Variants in SHROOM2 observed in about 807,000 individuals in gnomAD.
SHROOM2 encodes protein Shroom2.
A neutral mutation model predicts 75.9 loss-of-function variants in SHROOM2; 33 were observed. The observed-to-expected ratio is 0.43, with a 90% CI of 0.33 to 0.58. SHROOM2 has a LOEUF of 0.58. SHROOM2 is among the 20% of genes least tolerant of loss of function. The probability of loss-of-function intolerance (pLI) is 0.04; values close to 1 mark genes in which losing one functional copy is unlikely to be tolerated. For missense variants in SHROOM2, 1,434 were observed against 1,461.2 expected (o/e 0.98, Z 0.30); for synonymous variants, 655 against 663.6 (o/e 0.99, Z 0.20).
rs1163830296 is a variant in SHROOM2, at chrX:9,850,846, A to AAAAC, written c.166-22805_166-22804insAACA. On this transcript the variant is annotated intron_variant, in intron 1 of 9. Transcript: ENST00000380913. ...GACTCTGTGTCAAAAAAAAAAAAAA[A>AAAAC]AGAGAAAACAAACAGAAAAACTTGT... Among the ~76,000 whole-genome samples the AAAAC allele has an allele frequency of 3.7e-5, 4 of 108,947 alleles. No homozygotes were observed. The Admixed American group carries it at 3.9e-4, about 11-fold the overall frequency. 94.6% of individuals were successfully genotyped at this position (108,947 alleles called of 115,157 possible).
chrX:9,788,594 G>A (rs1184245676), intron 1 of SHROOM2, among the ~76,000 whole-genome samples: 3 of 111,547 alleles, frequency 2.7e-5, no homozygotes, highest in African/African-American at 9.8e-5. Flanking sequence ...AAACTGTTGA[G>A]TCCTGGGAAA....
chrX:9,866,572 C>T (rs1477934691), intron 1 of SHROOM2, among the ~76,000 whole-genome samples: 2 of 111,437 alleles, frequency 1.8e-5, no homozygotes, highest in Non-Finnish European at 1.9e-5. Context: ...CGTGATTTTT[C>T]TCTGCCTCTT....
intron 5 of SHROOM2, among the ~76,000 whole-genome samples, chrX:9,930,726 T>C (rs555202087): frequency 3.6e-5 from 4 of 110,205 alleles, no homozygotes; most frequent in Middle Eastern, 9.2e-3. Context: ...TGCATAGCTG[T>C]GTTCAAGTTT....
intron 1 of SHROOM2, among the ~76,000 whole-genome samples, chrX:9,841,884 T>A (rs1018202807): frequency 9.1e-6 from 1 of 110,040 alleles, no homozygotes; most frequent in Non-Finnish European, 1.9e-5. Flanking sequence ...TCCAGAAAAA[T>A]TTAAAAAGAA....
chrX:9,911,310 G>A (rs2084423729), intron 5 of SHROOM2, among the ~76,000 whole-genome samples: 1 of 111,918 alleles, frequency 8.9e-6, no homozygotes, highest in African/African-American at 3.3e-5. Context: ...ATGCTTAAGG[G>A]ATATAACATT....
chrX:9,917,102 A>G (rs1480464895), intron 5 of SHROOM2, among the ~76,000 whole-genome samples: 1 of 111,553 alleles, frequency 9.0e-6, no homozygotes. Flanking sequence ...GCTGGTAGAA[A>G]AATTGTCTCT....
rs763538484 is a variant in SHROOM2 at position 9,800,464 on chromosome X, C to T, written c.165+13754C>T. On this transcript the variant is annotated intron_variant, in intron 1 of 9. Transcript: ENST00000380913. The stretch of plus-strand genomic sequence containing the variant: ...CAAGTGATTCTCTTGCCTCAGCCTC[C>T]CAAGTAGCTGGGATTACAGGCACCT... 7.2e-5 allele frequency among the ~76,000 whole-genome samples: 8 copies of T among 110,491 alleles called. No individual in the cohort carries two copies. The South Asian group carries it at 3.2e-3, about 44-fold the overall frequency.
chrX:9,843,074 A>G (rs1400620706), intron 1 of SHROOM2, among the ~76,000 whole-genome samples: 2 of 111,925 alleles, frequency 1.8e-5, no homozygotes, highest in African/African-American at 3.2e-5. Flanking sequence ...CATTTGTCCT[A>G]TGCACACAGT....
intron 1 of SHROOM2, among the ~76,000 whole-genome samples, chrX:9,858,837 G>A (rs1000169745): frequency 1.1e-4 from 12 of 111,502 alleles, no homozygotes; most frequent in Non-Finnish European, 2.3e-4. Context: ...GTGAGAAGGG[G>A]TGAGGATCTG....
At chrX:9,944,370 G>A (rs1351037934) in intron 8 of SHROOM2, among the ~76,000 whole-genome samples, 2 of 111,704 alleles carry the variant, frequency 1.8e-5, no homozygotes, top group African/African-American at 6.5e-5. Flanking sequence ...GACGAGCATC[G>A]GGGCCACAAC....
At chrX:9,856,789 A>G (rs967010090) in intron 1 of SHROOM2, among the ~76,000 whole-genome samples, 3 of 112,018 alleles carry the variant, frequency 2.7e-5, no homozygotes, top group Non-Finnish European at 5.6e-5. Context: ...GTTTAAGACC[A>G]GAAGAAAAGG....
chrX:9,932,757 C>T lies in SHROOM2; in HGVS notation c.3474C>T (p.His1158=). The stretch of plus-strand genomic sequence containing the variant: ...CACTGCTCCCTCCCAAGCAGCAGCA[C>T]CTGCGCCTGCAGACGGCCACCATGG... ...PEALLPPKQQ[H]LRLQTATMET... The change falls in exon 6 of 10, where the codon CAC becomes CAT. Residue 1158 remains histidine (H), a synonymous_variant. Coordinates refer to ENST00000380913, the MANE Select transcript of SHROOM2 (RefSeq NM_001649.4). 3.3e-6 allele frequency: 4 copies of T among 1,210,721 alleles called. No individual in the cohort carries two copies. The highest frequency in any genetic ancestry group is 4.5e-6 in the Non-Finnish European group (4 of 895,517).
In SHROOM2 at chrX:9,947,990, T is replaced by A. The variant is rs745947745; in HGVS notation, c.*1053T>A. On this transcript the variant is annotated 3_prime_UTR_variant, in exon 10 of 10. Transcript: ENST00000380913. ...TCTATGCCCATTTCCTTGATTGAAA[T>A]GGCAGGATTCTAAAGAGAGCCTGGT... The A allele has an allele frequency of 8.9e-5, 10 of 112,391 alleles. No homozygotes were observed. Among genetic ancestry groups the A allele is most frequent in the African/African-American group, 2.9e-4 (9 of 30,954 alleles). 9.3% of individuals were successfully genotyped at this position (112,391 alleles called of 1,213,427 possible). A position where few individuals can be genotyped will look rare whatever the true frequency, so the allele number is the denominator to read the frequency against.
intron 6 of SHROOM2, among the ~76,000 whole-genome samples, chrX:9,934,797 A>G (rs1309886948): frequency 9.0e-6 from 1 of 110,833 alleles, no homozygotes; most frequent in Non-Finnish European, 1.9e-5. Context: ...CCGGTACTGT[A>G]TTTTATATTA....
chrX:9,880,528 C>G (rs1417764189), intron 2 of SHROOM2, among the ~76,000 whole-genome samples: 1 of 112,736 alleles, frequency 8.9e-6, no homozygotes, highest in Non-Finnish European at 1.9e-5. Flanking sequence ...GAGCCATGAG[C>G]GATGGCTGCC....
At chrX:9,913,308 C>T (rs767782094) in intron 5 of SHROOM2, 18 of 112,473 alleles carry the variant, frequency 1.6e-4, no homozygotes, top group African/African-American at 2.6e-4. Flanking sequence ...TCCCTGAGTG[C>T]GTTTGCACAT....
chrX:9,835,292 G>C (rs774487127), intron 1 of SHROOM2, among the ~76,000 whole-genome samples: 1 of 112,036 alleles, frequency 8.9e-6, no homozygotes, highest in Non-Finnish European at 1.9e-5. Context: ...AGATGTGTAT[G>C]GGGCAAATAA....
At chrX:9,929,805 C>T (rs191525085) in intron 5 of SHROOM2, among the ~76,000 whole-genome samples, 12 of 111,932 alleles carry the variant, frequency 1.1e-4, no homozygotes, top group Admixed American at 7.6e-4. Flanking sequence ...AGAATTCCCA[C>T]GTGTTGTGGG....
At chrX:9,847,092 C>G (rs184485186) in intron 1 of SHROOM2, among the ~76,000 whole-genome samples, 1 of 112,448 alleles carries the variant, frequency 8.9e-6, no homozygotes, top group Non-Finnish European at 1.9e-5. Context: ...TTATTCCGTG[C>G]TTGTCTTGGT....
Sources: allele counts gnomAD v4.1 joint callset (sites outside exome capture counted in the v4.1 genomes callset), GRCh38; gene constraint gnomAD v4.1.1; transcripts MANE v1.5; gene names NCBI Gene and HGNC (gene_info 2026-07-23, HGNC 2026-07-21).